The following RPTOR variants were observed in gnomAD, a reference collection of about 807,000 sequenced individuals.
RPTOR encodes regulatory-associated protein of mTOR.
RPTOR carries 21 observed loss-of-function variants against 169.9 expected under a neutral mutation model. That is an observed-to-expected ratio of 0.12 (90% CI 0.09 to 0.18). The LOEUF is 0.18. Among genes scored for constraint, RPTOR ranks in the 10% least tolerant of loss-of-function variants. The pLI, the probability that RPTOR is intolerant of heterozygous loss-of-function variation, is 1.00. For missense variants in RPTOR, 1,133 were observed against 1,855.9 expected (o/e 0.61, Z 7.16); for synonymous variants, 732 against 753.2 (o/e 0.97, Z 0.46).
intron 5 of RPTOR, among the ~76,000 whole-genome samples, chr17:80,749,906 G>A (rs1420574729): frequency 6.6e-6 from 1 of 151,854 alleles, no homozygotes; most frequent in African/African-American, 2.4e-5. Flanking sequence ...GTAGAGACAG[G>A]GGTCTTGCCA....
chr17:80,721,956 CCTTTGACTTCACAAATA>C lies in RPTOR; in HGVS notation c.508-8602_508-8586del, dbSNP rs1384494424. Among the ~76,000 whole-genome samples, 2 of 151,050 alleles carry C rather than the reference CCTTTGACTTCACAAATA, an allele frequency of 1.3e-5. No homozygotes were observed. The highest frequency in any genetic ancestry group is 1.5e-5 in the Non-Finnish European group (1 of 68,014). ...TGGATTGTGCTGCTGATGGGAACTT[CCTTTGACTTCACAAATA>C]CAAGGGATTGGAAGTGCATTCTTTG... is the stretch of plus-strand genomic sequence containing the variant. On this transcript the variant is annotated intron_variant, in intron 4 of 33. Coordinates refer to ENST00000306801, the MANE Select transcript of RPTOR (RefSeq NM_020761.3). This position sits in a 1 kb window ranked among gnomAD's most constrained non-coding sequence, Gnocchi z 4.7.
intron 20 of RPTOR, among the ~76,000 whole-genome samples, chr17:80,898,664 C>A (rs1477727257): frequency 7.9e-6 from 1 of 125,904 alleles, no homozygotes; most frequent in African/African-American, 3.0e-5. Context: ...CCGCTCCCCC[C>A]CCGCTCCCCC....
At chr17:80,772,953 G>C (rs1402050770) in intron 6 of RPTOR, among the ~76,000 whole-genome samples, 1 of 152,190 alleles carries the variant, frequency 6.6e-6, no homozygotes, top group Non-Finnish European at 1.5e-5. Flanking sequence ...TTTCTGACCT[G>C]AGCGCTCTTC....
At position 80,947,909 on chromosome 17, in the gene RPTOR, G is replaced by A. The variant is rs888202966; in HGVS notation, c.3265+558G>A. On this transcript the variant is annotated intron_variant, in intron 27 of 33. Transcript: ENST00000306801. This position sits in a 1 kb window ranked among gnomAD's most constrained non-coding sequence, Gnocchi z 4.4. ...CAGGTTTTGGTTTTCTTGGGTTTTC[G>A]GGGGGTTTTTTGGAGGGGTCCGAAA... 3.3e-5 allele frequency among the ~76,000 whole-genome samples: 5 copies of A among 152,200 alleles called. No individual in the cohort carries two copies. The highest frequency in any genetic ancestry group is 1.9e-4 in the East Asian group (1 of 5,202).
chr17:80,648,563 C>T (rs897679205), intron 3 of RPTOR, among the ~76,000 whole-genome samples: 12 of 151,900 alleles, frequency 7.9e-5, no homozygotes, highest in Middle Eastern at 3.2e-3. Flanking sequence ...GTCAGGCAGC[C>T]GGGTTGGCTT....
chr17:80,893,000 C>T (rs911862443), intron 19 of RPTOR, 131 bp downstream of exon 19: 7 of 1,125,702 alleles, frequency 6.2e-6, no homozygotes, highest in African/African-American at 1.6e-5. Flanking sequence ...TCCCATCTGC[C>T]AACATGGTGA....
chr17:80,570,062 T>G (rs2064887228), intron 1 of RPTOR, among the ~76,000 whole-genome samples: 1 of 152,092 alleles, frequency 6.6e-6, no homozygotes, highest in Non-Finnish European at 1.5e-5. Context: ...CTTGTTACTC[T>G]GCCGCTCTCA....
chr17:80,563,801 C>T (rs1390368276), intron 1 of RPTOR, among the ~76,000 whole-genome samples: 2 of 152,064 alleles, frequency 1.3e-5, no homozygotes, highest in East Asian at 3.9e-4. Context: ...ACAGAACAGC[C>T]CCGCCTTGAA....
intron 6 of RPTOR, among the ~76,000 whole-genome samples, chr17:80,775,303 G>T (rs1398767030): frequency 1.3e-5 from 2 of 152,036 alleles, no homozygotes; most frequent in African/African-American, 4.8e-5. Context: ...ACAGGTAGCG[G>T]TCTTGTTATG....
chr17:80,885,671 A>G (rs1302976699), intron 17 of RPTOR, among the ~76,000 whole-genome samples: 1 of 152,056 alleles, frequency 6.6e-6, no homozygotes, highest in Non-Finnish European at 1.5e-5. Flanking sequence ...CCTCCCGAGT[A>G]ACTGGGACTA....
intron 3 of RPTOR, among the ~76,000 whole-genome samples, chr17:80,654,628 T>C (rs1400296552): frequency 6.6e-6 from 1 of 152,212 alleles, no homozygotes; most frequent in Non-Finnish European, 1.5e-5. Flanking sequence ...GGGTTGCATG[T>C]GTGGCAGGCT....
chr17:80,806,541 C>T (rs1256666794), intron 7 of RPTOR, among the ~76,000 whole-genome samples: 2 of 152,144 alleles, frequency 1.3e-5, no homozygotes, highest in Non-Finnish European at 2.9e-5. Flanking sequence ...TCCTAGGGCT[C>T]ATGATCAAAC....
intron 20 of RPTOR, among the ~76,000 whole-genome samples, chr17:80,897,605 T>C (rs2068422809): frequency 6.6e-6 from 1 of 152,262 alleles, no homozygotes; most frequent in Admixed American, 6.5e-5. Flanking sequence ...TAATGTCCCC[T>C]GACATCGCTG....
At position 80,744,799 on chromosome 17, in the gene RPTOR, C is replaced by T. The variant is rs370262007; in HGVS notation, c.655-9211C>T. ...GTCCTGGCTACTAGCACAGCCCTGG[C>T]TACTAGCACTGTCCTGGCTACTAGC... On this transcript the variant is annotated intron_variant, in intron 5 of 33. Coordinates refer to ENST00000306801, the MANE Select transcript of RPTOR (RefSeq NM_020761.3). 2.8e-3 allele frequency among the ~76,000 whole-genome samples: 146 copies of T among 52,412 alleles called. 28 individuals are homozygous for T. The Middle Eastern group carries it at 0.045, about 16-fold the overall frequency. The allele number at this position is 52,412 out of a possible 152,430, so 34.4% of individuals were successfully genotyped here.
At chr17:80,951,730 A>G (rs913759470) in intron 28 of RPTOR, among the ~76,000 whole-genome samples, 7 of 152,198 alleles carry the variant, frequency 4.6e-5, no homozygotes, top group African/African-American at 1.4e-4. Context: ...ATACCCCTCC[A>G]TGGCAGGACG....
chr17:80,944,395 T>C (rs1261362923), intron 25 of RPTOR, among the ~76,000 whole-genome samples: 1 of 152,236 alleles, frequency 6.6e-6, no homozygotes, highest in East Asian at 1.9e-4. Context: ...CCAGATAAAT[T>C]TGTACAAACC....
rs988551970 is a variant in RPTOR, at chr17:80,651,889, T to A, written c.348+8079T>A. ...GCGCAGTGGCAGGTGCCTACTGTAGTCCCAGTTACTCAGGAGGCTGAGGCA... is the reference window on the plus strand; with the variant it reads ...GCGCAGTGGCAGGTGCCTACTGTAGACCCAGTTACTCAGGAGGCTGAGGCA... On this transcript the variant is annotated intron_variant, in intron 3 of 33. Coordinates refer to ENST00000306801, the MANE Select transcript of RPTOR (RefSeq NM_020761.3). The surrounding 1 kb of genome is among the most constrained non-coding windows in gnomAD (Gnocchi z 4.1). 2.6e-5 allele frequency among the ~76,000 whole-genome samples: 4 copies of A among 152,200 alleles called. No individual in the cohort carries two copies. The highest frequency in any genetic ancestry group is 5.9e-5 in the Non-Finnish European group (4 of 68,012).
At chr17:80,568,316 T>C (rs1225689077) in intron 1 of RPTOR, among the ~76,000 whole-genome samples, 2 of 152,254 alleles carry the variant, frequency 1.3e-5, no homozygotes, top group African/African-American at 4.8e-5. Flanking sequence ...TACTGGTATT[T>C]TGGTCACATG....
rs1465721426 is a variant in RPTOR, at chr17:80,965,295, C to G, written c.*965C>G. The G allele has an allele frequency of 8.6e-6, 2 of 233,410 alleles. No homozygotes were observed. Among genetic ancestry groups the G allele is most frequent in the African/African-American group, 2.2e-5 (1 of 45,496 alleles). The allele number at this position is 233,410 out of a possible 1,614,324, so 14.5% of individuals were successfully genotyped here. A position where few individuals can be genotyped will look rare whatever the true frequency, so the allele number is the denominator to read the frequency against. On this transcript the variant is annotated 3_prime_UTR_variant, in exon 34 of 34. Transcript: ENST00000306801. ...ATGCAGGCGGCGTGGTCTCCCTGCT[C>G]TGTCCCCACACGTTCCTCACATACA...
Sources: gnomAD v4.1 joint callset for allele counts (sites outside exome capture counted in the v4.1 genomes callset) on GRCh38, gnomAD v4.1.1 for gene constraint, Gnocchi (gnomAD v3.1) non-coding constraint, MANE v1.5 for transcripts, NCBI Gene and HGNC (gene_info 2026-07-23, HGNC 2026-07-21) for gene names.